The following GRM4 variants were observed in gnomAD, a reference collection of about 807,000 sequenced individuals.
GRM4 encodes the protein metabotropic glutamate receptor 4.
Under a neutral mutation model 81.7 loss-of-function variants are expected in GRM4, and 28 were observed. The observed-to-expected ratio is 0.34, with a 90% confidence interval of 0.25 to 0.47. The LOEUF (loss-of-function observed/expected upper bound fraction) is 0.47, where lower values mean the gene tolerates loss of function less well. GRM4 is among the 20% of genes least tolerant of loss of function. The pLI, the probability that GRM4 is intolerant of heterozygous loss-of-function variation, is 1.00. For synonymous variants in GRM4, 488 were observed against 528.8 expected (o/e 0.92, Z 1.06); for missense variants, 948 against 1,290.0 (o/e 0.73, Z 4.06).
At chr6:34,116,228 GGCAGCGC>G (rs1156808504) in intron 2 of GRM4, among the ~76,000 whole-genome samples, 2 of 152,196 alleles carry the variant, frequency 1.3e-5, no homozygotes, top group Non-Finnish European at 2.9e-5. Flanking sequence ...TTCAGGGACA[GGCAGCGC>G]TGCAGGCCTC....
At chr6:34,060,982 G>A (rs1438134649) in intron 4 of GRM4, 1 of 152,314 alleles carries the variant, frequency 6.6e-6, no homozygotes, top group African/African-American at 2.4e-5. Flanking sequence ...CTGTTTTGCA[G>A]CAACTCTGGA....
Position 34,036,657 on chromosome 6 carries a change from G to A in GRM4, c.1507-54C>T, listed in dbSNP as rs1344988594. ...CTCAGAACATGCCACCCGGTGCCCCGGACCATCCTACTGGGTGGTGGCACC... is the reference window on the plus strand; with the variant it reads ...CTCAGAACATGCCACCCGGTGCCCCAGACCATCCTACTGGGTGGTGGCACC... On this transcript the variant is annotated intron_variant, in intron 8 of 10. Transcript: ENST00000538487. The surrounding 1 kb of genome is among the most constrained non-coding windows in gnomAD (Gnocchi z 9.0). The A allele has an allele frequency of 1.8e-5, 18 of 1,011,916 alleles. No homozygotes were observed. The highest frequency in any genetic ancestry group is 1.7e-4 in the South Asian group (11 of 66,114). 62.7% of individuals were successfully genotyped at this position (1,011,916 alleles called of 1,614,324 possible).
intron 3 of GRM4, chr6:34,062,954 T>A (rs1430927677): frequency 1.3e-5 from 2 of 152,112 alleles, no homozygotes; most frequent in Non-Finnish European, 2.9e-5. Flanking sequence ...GAGAAGTGGC[T>A]TACCCAAAGC....
At position 34,068,879 on chromosome 6, in the gene GRM4, T is replaced by C. The variant is rs1233400170; in HGVS notation, c.737-6851A>G. ...GGCCTCTCGGGGCCCAGCCAGCTGG[T>C]CCTGAGGCCAGCAGAGACATAGGCA... On this transcript the variant is annotated intron_variant, in intron 3 of 10. Coordinates refer to ENST00000538487, the MANE Select transcript of GRM4 (RefSeq NM_000841.4). The surrounding 1 kb of genome is among the most constrained non-coding windows in gnomAD (Gnocchi z 4.2). Among the ~76,000 whole-genome samples the C allele has an allele frequency of 6.6e-6, 1 of 152,100 alleles. No individual in the cohort carries two copies. Among genetic ancestry groups the C allele is most frequent in the African/African-American group, 2.4e-5 (1 of 41,410 alleles).
intron 10 of GRM4, among the ~76,000 whole-genome samples, chr6:34,023,831 G>A (rs1365704856): frequency 2.0e-5 from 3 of 152,204 alleles, no homozygotes; most frequent in Non-Finnish European, 4.4e-5. Context: ...AGAGGGGTGA[G>A]GGGCCTGGCC....
rs1376972682 is a variant in GRM4 at position 34,040,212 on chromosome 6, AC to A, written c.1471del (p.Val491SerfsTer13). On this transcript the variant is annotated frameshift_variant, in exon 8 of 11. Coordinates refer to ENST00000538487, the MANE Select transcript of GRM4 (RefSeq NM_000841.4). LOFTEE classifies it high-confidence loss of function. ...QLRNDSAEYK[V>X]IGSWTDHLHL... ...CAGGTGGTCAGTCCAGGAGCCAATG[AC>A]CTTGTACTCGGCAGAATCGTTGCGC... is the stretch of plus-strand genomic sequence containing the variant. 1 of 1,614,164 alleles carries A rather than the reference AC, an allele frequency of 6.2e-7. No individual in the cohort carries two copies. The highest frequency in any genetic ancestry group is 1.7e-5 in the Admixed American group (1 of 60,034).
At chr6:34,101,337 G>A (rs1033478884) in intron 2 of GRM4, among the ~76,000 whole-genome samples, 1 of 152,210 alleles carries the variant, frequency 6.6e-6, no homozygotes, top group East Asian at 1.9e-4. Flanking sequence ...CTGAGGTACA[G>A]AGATGTTAAG....
At chr6:34,137,108 G>C (rs1770490951) in intron 1 of GRM4, among the ~76,000 whole-genome samples, 2 of 152,216 alleles carry the variant, frequency 1.3e-5, no homozygotes, top group Admixed American at 1.3e-4. Flanking sequence ...TCAAGCCTGG[G>C]TCAGTTAGGG....
At chr6:34,102,254 C>T in intron 2 of GRM4, 2 of 1,013,554 alleles carry the variant, frequency 2.0e-6, no homozygotes, top group Non-Finnish European at 2.9e-6. Flanking sequence ...AATAAAATGC[C>T]CTTTACAGCT....
At chr6:34,154,978 G>A (rs1452805140) in intron 1 of GRM4, 11 of 1,013,782 alleles carry the variant, frequency 1.1e-5, no homozygotes, top group South Asian at 2.0e-5. Flanking sequence ...CCTGGGGCGG[G>A]TCCGAGCGGG....
At position 34,035,434 on chromosome 6, in the gene GRM4, G is replaced by A. The variant is rs1373514356; in HGVS notation, c.2442+234C>T. On this transcript the variant is annotated intron_variant, in intron 9 of 10. Transcript: ENST00000538487. The surrounding 1 kb of genome is among the most constrained non-coding windows in gnomAD (Gnocchi z 6.6). The stretch of plus-strand genomic sequence containing the variant: ...AAAGGGGGAGAGAGAAGAGGGAGAG[G>A]GGCAAAAACAGAGAAAGAGGAGAGA... Among the ~76,000 whole-genome samples, 3 of 150,856 alleles carry A rather than the reference G, an allele frequency of 2.0e-5. No homozygotes were observed. In the South Asian group the frequency reaches 6.3e-4, roughly 32 times the overall value.
Position 34,034,924 on chromosome 6 carries a change from CTT to C in GRM4, c.2442+742_2442+743del, listed in dbSNP as rs1764613130. Among the ~76,000 whole-genome samples, 1 of 152,152 alleles carries C rather than the reference CTT, an allele frequency of 6.6e-6. No individual in the cohort carries two copies. The highest frequency in any genetic ancestry group is 1.5e-5 in the Non-Finnish European group (1 of 68,048). The stretch of plus-strand genomic sequence containing the variant: ...GGATGTGGGCCGAGCATACAGGTCT[CTT>C]GGGGTGTGCCCAGGTCCTCGGACCA... On this transcript the variant is annotated intron_variant, in intron 9 of 10. Transcript: ENST00000538487. This position sits in a 1 kb window ranked among gnomAD's most constrained non-coding sequence, Gnocchi z 4.0.
intron 6 of GRM4, among the ~76,000 whole-genome samples, chr6:34,044,675 C>CACACACACAG (rs375788064): frequency 0.24 from 33,793 of 140,124 alleles, 5,496 homozygotes; most frequent in African/African-American, 0.41. Context: ...TACACAGACA[C>CACACACACAG]ACACACACAG....
rs1418231643 is a variant in GRM4 at position 34,092,614 on chromosome 6, A to G, written c.520-515T>C. On this transcript the variant is annotated intron_variant, in intron 2 of 10. Coordinates refer to ENST00000538487, the MANE Select transcript of GRM4 (RefSeq NM_000841.4). The surrounding 1 kb of genome is among the most constrained non-coding windows in gnomAD (Gnocchi z 6.8). The stretch of plus-strand genomic sequence containing the variant: ...TCAGAGGAGATGGAGCCTCGATTCC[A>G]GCTCCCCTGTCCCCCACTCCAACCC... Among the ~76,000 whole-genome samples, 1 of 151,858 alleles carries G rather than the reference A, an allele frequency of 6.6e-6. No individual in the cohort carries two copies. The highest frequency in any genetic ancestry group is 1.5e-5 in the Non-Finnish European group (1 of 67,944).
At chr6:34,033,005 C>A (rs1764510942) in intron 9 of GRM4, among the ~76,000 whole-genome samples, 1 of 152,192 alleles carries the variant, frequency 6.6e-6, no homozygotes, top group African/African-American at 2.4e-5. Context: ...CTGCCAGTTT[C>A]CTGGGGTATG....
rs543551942 is a variant in GRM4 at position 34,114,358 on chromosome 6, A to T, written c.519+18620T>A. ...GTGGATATATGAACCAATGGATGTC[A>T]CTATGCATAAGGCCATCATCCGGGC... On this transcript the variant is annotated intron_variant, in intron 2 of 10. Transcript: ENST00000538487. The surrounding 1 kb of genome is among the most constrained non-coding windows in gnomAD (Gnocchi z 4.3). Among the ~76,000 whole-genome samples, 259 of 152,278 alleles carry T rather than the reference A, an allele frequency of 1.7e-3. 1 individual carries two copies. Among genetic ancestry groups the T allele is most frequent in the African/African-American group, 5.5e-3 (230 of 41,536 alleles).
At chr6:34,053,391 C>T (rs1488023837) in intron 6 of GRM4, among the ~76,000 whole-genome samples, 2 of 152,300 alleles carry the variant, frequency 1.3e-5, no homozygotes, top group African/African-American at 2.4e-5. Context: ...GCCCCTCCCC[C>T]CAGGGTCTCA....
intron 8 of GRM4, among the ~76,000 whole-genome samples, chr6:34,038,285 G>A (rs1306429517): frequency 6.6e-6 from 1 of 152,252 alleles, no homozygotes; most frequent in Non-Finnish European, 1.5e-5. Context: ...AATGAAAGCA[G>A]ATATGAAGCC....
chr6:34,097,074 G>A (rs1031530668), intron 2 of GRM4, among the ~76,000 whole-genome samples: 5 of 152,230 alleles, frequency 3.3e-5, no homozygotes, highest in African/African-American at 1.2e-4. Flanking sequence ...AGTTCTGAGG[G>A]CTGGGGATGG....
Sources: allele counts gnomAD v4.1 joint callset (sites outside exome capture counted in the v4.1 genomes callset), GRCh38; gene constraint gnomAD v4.1.1; non-coding constraint Gnocchi (gnomAD v3.1); transcripts MANE v1.5; gene names NCBI Gene and HGNC (gene_info 2026-07-23, HGNC 2026-07-21).